The following RABGAP1L variants were observed in gnomAD, a reference collection of about 807,000 sequenced individuals.
The protein encoded by RABGAP1L is RAB GTPase activating protein 1 like.
In RABGAP1L, 63 loss-of-function variants were observed where a neutral mutation model predicts 137.7. The ratio of observed to expected loss-of-function variants is 0.46; its 90% CI spans 0.37 to 0.56. The LOEUF (loss-of-function observed/expected upper bound fraction) is 0.56. RABGAP1L is among the 20% of genes least tolerant of loss of function. RABGAP1L has a pLI of 0.00. For synonymous variants in RABGAP1L, 431 were observed against 433.7 expected, an observed-to-expected ratio of 0.99 and a Z score of 0.08; for missense variants, 1,095 against 1,244.0, an observed-to-expected ratio of 0.88 and a Z score of 1.80.
At chr1:174,986,520 A>T (rs144824595) in intron 24 of RABGAP1L, among the ~76,000 whole-genome samples, 1 of 152,204 alleles carries the variant, frequency 6.6e-6, no homozygotes, top group Non-Finnish European at 1.5e-5. Context: ...ATTGGGTGAG[A>T]ATCAGCAGTA....
chr1:174,463,384 T>C (rs1385438351), intron 13 of RABGAP1L, among the ~76,000 whole-genome samples: 4 of 151,742 alleles, frequency 2.6e-5, no homozygotes, highest in Admixed American at 6.6e-5. Context: ...AAATTGGAAA[T>C]CATCATTCTC....
At chr1:174,322,289 A>T (rs1031591905) in intron 11 of RABGAP1L, among the ~76,000 whole-genome samples, 2 of 131,040 alleles carry the variant, frequency 1.5e-5, no homozygotes, top group Middle Eastern at 3.8e-3. Flanking sequence ...TTTTGGCTTA[A>T]AAAACAGAAA....
At position 174,511,394 on chromosome 1, in the gene RABGAP1L, A is replaced by G. The variant is rs147145840; in HGVS notation, c.1710+117249A>G. ...TCATAGGTATTGCTGAATGTTTATA[A>G]TTAAGTAAGCTTACTCTAAGAAGCA... On this transcript the variant is annotated intron_variant, in intron 13 of 25. Coordinates refer to ENST00000681986, the MANE Select transcript of RABGAP1L (RefSeq NM_001366446.1). 3.9e-5 allele frequency among the ~76,000 whole-genome samples: 6 copies of G among 152,306 alleles called. No homozygotes were observed. In the East Asian group the frequency reaches 9.6e-4, roughly 24 times the overall value.
chr1:174,975,171 G>A (rs1670539705), intron 21 of RABGAP1L, among the ~76,000 whole-genome samples: 1 of 152,246 alleles, frequency 6.6e-6, no homozygotes, highest in African/African-American at 2.4e-5. Flanking sequence ...GGGATAGAGT[G>A]ATGAGCAAAA....
intron 1 of RABGAP1L, among the ~76,000 whole-genome samples, chr1:174,180,588 C>T (rs1460837901): frequency 6.6e-6 from 1 of 152,126 alleles, no homozygotes; most frequent in African/African-American, 2.4e-5. Flanking sequence ...CCTTAGCCTC[C>T]CAAGTGGCTG....
intron 13 of RABGAP1L, among the ~76,000 whole-genome samples, chr1:174,625,083 A>C (rs1019987139): frequency 6.6e-6 from 1 of 152,058 alleles, no homozygotes; most frequent in African/African-American, 2.4e-5. Flanking sequence ...CATCTTGGCC[A>C]GGCTGGTCTT....
At chr1:174,908,197 A>T (rs186901877) in intron 19 of RABGAP1L, among the ~76,000 whole-genome samples, 153 of 152,348 alleles carry the variant, frequency 1.0e-3, no homozygotes, top group Non-Finnish European at 8.2e-4. Flanking sequence ...ACTGCAATAC[A>T]GTAATAGTAG....
intron 20 of RABGAP1L, among the ~76,000 whole-genome samples, 160 bp from the exon 21 acceptor site, chr1:174,969,117 G>A (rs1320979416): frequency 6.6e-6 from 1 of 152,184 alleles, no homozygotes; most frequent in Non-Finnish European, 1.5e-5. Flanking sequence ...TAAACTCACT[G>A]TTGTTTCCCA....
At chr1:174,760,225 C>A (rs1232055190) in intron 18 of RABGAP1L, among the ~76,000 whole-genome samples, 1 of 151,468 alleles carries the variant, frequency 6.6e-6, no homozygotes, top group South Asian at 2.1e-4. Flanking sequence ...TTGTGTAGGT[C>A]TGTTATATAG....
intron 13 of RABGAP1L, among the ~76,000 whole-genome samples, chr1:174,620,607 C>T (rs1401117283): frequency 1.3e-5 from 2 of 152,014 alleles, no homozygotes; most frequent in Admixed American, 1.3e-4. Flanking sequence ...ACACAACGTA[C>T]CAGAATCTCT....
rs1319008934 is a variant in RABGAP1L, at chr1:174,303,809, A to G, written c.1324-1177A>G. Among the ~76,000 whole-genome samples, 5 of 152,206 alleles carry G rather than the reference A, an allele frequency of 3.3e-5. No individual in the cohort carries two copies. The East Asian group carries it at 7.7e-4, about 23-fold the overall frequency. On this transcript the variant is annotated intron_variant, in intron 10 of 25. Coordinates refer to ENST00000681986, the MANE Select transcript of RABGAP1L (RefSeq NM_001366446.1). ...CACTATTGTACAATTTTGTACTACA[A>G]CATCAGAGTTGAGTTGTTTATACAA...
intron 18 of RABGAP1L, among the ~76,000 whole-genome samples, chr1:174,769,489 G>A (rs567592729): frequency 6.6e-6 from 1 of 152,110 alleles, no homozygotes; most frequent in Non-Finnish European, 1.5e-5. Flanking sequence ...TGACAATCAC[G>A]TCCACACCAT....
intron 13 of RABGAP1L, among the ~76,000 whole-genome samples, chr1:174,588,616 C>A (rs1446220211): frequency 1.3e-5 from 2 of 152,196 alleles, no homozygotes; most frequent in Middle Eastern, 3.2e-3. Context: ...CGCTACCCTT[C>A]TCAACCTATG....
chr1:174,347,499 GTT>G lies in RABGAP1L; in HGVS notation c.1466-23474_1466-23473del, dbSNP rs1389816629. 5.3e-5 allele frequency among the ~76,000 whole-genome samples: 7 copies of G among 131,004 alleles called. No individual in the cohort carries two copies. The East Asian group carries it at 1.7e-3, about 31-fold the overall frequency. 85.9% of individuals were successfully genotyped at this position (131,004 alleles called of 152,430 possible). A position where few individuals can be genotyped will look rare whatever the true frequency, so the allele number is the denominator to read the frequency against. On this transcript the variant is annotated intron_variant, in intron 11 of 25. Coordinates refer to ENST00000681986, the MANE Select transcript of RABGAP1L (RefSeq NM_001366446.1). The stretch of plus-strand genomic sequence containing the variant: ...TGTGTGTGTGTGTGTGTGTGTGTGT[GTT>G]TTTTTCTTTGAGACTGAGTCTTGCT...
At chr1:174,734,469 C>T (rs1259884115) in intron 17 of RABGAP1L, among the ~76,000 whole-genome samples, 1 of 151,994 alleles carries the variant, frequency 6.6e-6, no homozygotes, top group Non-Finnish European at 1.5e-5. Context: ...AAATGAGATG[C>T]CTGTTCTAAA....
chr1:174,485,592 A>G (rs982532945), intron 13 of RABGAP1L, among the ~76,000 whole-genome samples: 2 of 152,202 alleles, frequency 1.3e-5, no homozygotes, highest in African/African-American at 4.8e-5. Flanking sequence ...TTCAATGGAA[A>G]TGATTATATG....
intron 13 of RABGAP1L, among the ~76,000 whole-genome samples, chr1:174,520,835 T>C (rs1274376065): frequency 6.6e-6 from 1 of 152,172 alleles, no homozygotes; most frequent in Non-Finnish European, 1.5e-5. Context: ...ACCCCGTCTC[T>C]ACTAAAAATA....
chr1:174,336,863 G>A (rs1681518988), intron 11 of RABGAP1L, among the ~76,000 whole-genome samples: 1 of 140,340 alleles, frequency 7.1e-6, no homozygotes, highest in Non-Finnish European at 1.5e-5. Context: ...ATGTGTGTGT[G>A]TGTGTGTGTG....
At chr1:174,296,252 G>T (rs1677119467) in intron 10 of RABGAP1L, among the ~76,000 whole-genome samples, 2 of 152,222 alleles carry the variant, frequency 1.3e-5, no homozygotes, top group Non-Finnish European at 2.9e-5. Flanking sequence ...CTGAGGAATA[G>T]TGGGACAGAA....
Sources: gnomAD v4.1 joint callset for allele counts (sites outside exome capture counted in the v4.1 genomes callset) on GRCh38, gnomAD v4.1.1 for gene constraint, MANE v1.5 for transcripts, NCBI Gene and HGNC (gene_info 2026-07-23, HGNC 2026-07-21) for gene names.